UBXN2A: variants seen among roughly 807,000 people sequenced by gnomAD.
UBXN2A encodes UBX domain protein 2A, also known as UBX domain-containing protein 2A.
A neutral mutation model predicts 28.4 loss-of-function variants in UBXN2A; 28 were observed. The observed-to-expected ratio is 0.99, with a 90% CI of 0.73 to 1.35. The LOEUF (loss-of-function observed/expected upper bound fraction) is 1.35. Ranked by LOEUF, UBXN2A falls within the 40% of genes most tolerant of loss-of-function variation. UBXN2A has a pLI of 0.00. For missense variants in UBXN2A, 253 were observed against 297.9 expected (o/e 0.85, Z 1.11); for synonymous variants, 97 against 103.6 (o/e 0.94, Z 0.39).
At chr2:23,951,413 GATATATATATATATATAT>G (rs57701448) in intron 1 of UBXN2A, among the ~76,000 whole-genome samples, 1,717 of 109,854 alleles carry the variant, frequency 0.016, 31 homozygotes, top group African/African-American at 0.023. Context: ...CAGTAAGATG[GATATATATATATATATAT>G]ATATATATAT....
At chr2:23,998,577 G>A (rs773210494) in intron 6 of UBXN2A, among the ~76,000 whole-genome samples, 41 of 152,080 alleles carry the variant, frequency 2.7e-4, no homozygotes, top group African/African-American at 9.2e-4. Context: ...AAAACTAGCC[G>A]GATGTGGTGG....
intron 2 of UBXN2A, among the ~76,000 whole-genome samples, chr2:23,966,200 G>A (rs1299154814): frequency 3.3e-5 from 5 of 151,520 alleles, no homozygotes; most frequent in East Asian, 1.9e-4. Flanking sequence ...GTGCAGTGCC[G>A]CGATCTTGAC....
intron 6 of UBXN2A, among the ~76,000 whole-genome samples, chr2:23,990,499 G>T (rs879672000): frequency 2.1e-5 from 3 of 143,390 alleles, no homozygotes; most frequent in Non-Finnish European, 4.6e-5. Flanking sequence ...GGGCGTGGTG[G>T]CTCAGGCCTG....
intron 1 of UBXN2A, among the ~76,000 whole-genome samples, chr2:23,948,254 C>CTTTTTTTTTTTTTT (rs60805838): frequency 7.7e-6 from 1 of 129,188 alleles, no homozygotes; most frequent in Admixed American, 8.0e-5. Context: ...TTTTCTTTTT[C>CTTTTTTTTTTTTTT]TTTTTTTTTT....
chr2:23,955,156 C>T (rs1706559377), intron 1 of UBXN2A, among the ~76,000 whole-genome samples: 1 of 152,242 alleles, frequency 6.6e-6, no homozygotes, highest in South Asian at 2.1e-4. Flanking sequence ...TGGTCTCGAT[C>T]TCCTGACCTT....
At chr2:23,974,638 G>A (rs949861135) in intron 3 of UBXN2A, among the ~76,000 whole-genome samples, 10 of 152,142 alleles carry the variant, frequency 6.6e-5, no homozygotes, top group Non-Finnish European at 1.2e-4. Context: ...GAGCCACCGC[G>A]CCTGGCCTTA....
intron 1 of UBXN2A, among the ~76,000 whole-genome samples, chr2:23,949,432 G>A (rs1423864026): frequency 2.6e-5 from 4 of 151,880 alleles, no homozygotes; most frequent in Non-Finnish European, 4.4e-5. Context: ...TTAGCCGGGC[G>A]TGGTGGCACA....
At chr2:23,941,117 TTTC>T (rs1273725872) in intron 1 of UBXN2A, among the ~76,000 whole-genome samples, 1 of 152,136 alleles carries the variant, frequency 6.6e-6, no homozygotes, top group Non-Finnish European at 1.5e-5. Context: ...GTTTCCTTAA[TTTC>T]TTCTTTGTGC....
chr2:24,000,043 C>A lies in UBXN2A; in HGVS notation c.*176C>A. 1 of 603,218 alleles carries A rather than the reference C, an allele frequency of 1.7e-6. No homozygotes were observed. Among genetic ancestry groups the A allele is most frequent in the Non-Finnish European group, 2.8e-6 (1 of 353,272 alleles). 37.4% of individuals were successfully genotyped at this position (603,218 alleles called of 1,614,324 possible). A position where few individuals can be genotyped will look rare whatever the true frequency, so the allele number is the denominator to read the frequency against. ...TACAAGTTAAGAAAGTAGCATATGA[C>A]TGGAAACTATATTCAGTGCACTTTC... On this transcript the variant is annotated 3_prime_UTR_variant, in exon 7 of 7. Transcript: ENST00000309033.
At chr2:23,953,669 T>C (rs1219515689) in intron 1 of UBXN2A, among the ~76,000 whole-genome samples, 1 of 152,202 alleles carries the variant, frequency 6.6e-6, no homozygotes, top group African/African-American at 2.4e-5. Flanking sequence ...ATTTAAAGAA[T>C]CTACTGTCAT....
intron 1 of UBXN2A, among the ~76,000 whole-genome samples, chr2:23,941,458 G>A (rs1705753605): frequency 6.6e-6 from 1 of 152,148 alleles, no homozygotes; most frequent in Non-Finnish European, 1.5e-5. Flanking sequence ...TTAGTGCTAG[G>A]CACTGGCGGA....
Position 23,987,109 on chromosome 2 carries a change from AGTTT to A in UBXN2A, c.584+2283_584+2286del, listed in dbSNP as rs1708162773. Among the ~76,000 whole-genome samples the A allele has an allele frequency of 2.0e-5, 3 of 152,066 alleles. No homozygotes were observed. In the South Asian group the frequency reaches 6.2e-4, roughly 32 times the overall value. ...CCCTGTCTCAAAAGGAAAAAAAAAA[AGTTT>A]GTTTTGTTTTAATTAAAAATAGAAA... is the stretch of plus-strand genomic sequence containing the variant. On this transcript the variant is annotated intron_variant, in intron 6 of 6. Transcript: ENST00000309033.
At chr2:23,945,281 G>T (rs1706012577) in intron 1 of UBXN2A, among the ~76,000 whole-genome samples, 2 of 152,090 alleles carry the variant, frequency 1.3e-5, no homozygotes, top group Non-Finnish European at 2.9e-5. Flanking sequence ...TTGGTCCTTG[G>T]AGTATATAAG....
intron 5 of UBXN2A, 47 bp downstream of exon 5, chr2:23,983,080 ATATTCTGTCT>A (rs1707981193): frequency 6.7e-7 from 1 of 1,485,188 alleles, no homozygotes; most frequent in Non-Finnish European, 9.0e-7. Flanking sequence ...GGCTTAACTA[ATATTCTGTCT>A]ATCAGTATTT....
At chr2:23,937,356 G>A (rs1420572521), upstream of UBXN2A, among the ~76,000 whole-genome samples, 1 of 152,034 alleles carries the variant, frequency 6.6e-6, no homozygotes, top group Non-Finnish European at 1.5e-5. Flanking sequence ...ACCAGCCTGG[G>A]CAACACAGTG....
At chr2:23,986,079 C>T (rs1455850802) in intron 6 of UBXN2A, among the ~76,000 whole-genome samples, 6 of 152,002 alleles carry the variant, frequency 3.9e-5, no homozygotes, top group Admixed American at 6.6e-5. Flanking sequence ...GAGGCCGAGA[C>T]GGGTGGATCA....
At chr2:23,958,100 A>G (rs1706722398) in intron 1 of UBXN2A, among the ~76,000 whole-genome samples, 1 of 152,240 alleles carries the variant, frequency 6.6e-6, no homozygotes, top group South Asian at 2.1e-4. Flanking sequence ...AATAAGTTTT[A>G]AGAAGTCTTT....
intron 2 of UBXN2A, among the ~76,000 whole-genome samples, chr2:23,959,193 A>G (rs1273204586): frequency 6.6e-6 from 1 of 152,122 alleles, no homozygotes; most frequent in Non-Finnish European, 1.5e-5. Flanking sequence ...TGCTAATTAT[A>G]TAATTGTGAG....
At chr2:23,996,925 G>A (rs1708560916) in intron 6 of UBXN2A, 1 of 152,046 alleles carries the variant, frequency 6.6e-6, no homozygotes, top group Non-Finnish European at 1.5e-5. Flanking sequence ...CCCACCTTAG[G>A]GAACCTCTTT....
Sources: gnomAD v4.1 joint callset for allele counts (sites outside exome capture counted in the v4.1 genomes callset) on GRCh38, gnomAD v4.1.1 for gene constraint, MANE v1.5 for transcripts, NCBI Gene and HGNC (gene_info 2026-07-23, HGNC 2026-07-21) for gene names.